The following BAZ1A variants were observed in gnomAD, a reference collection of about 807,000 sequenced individuals.
BAZ1A encodes the protein bromodomain adjacent to zinc finger domain 1A, also known as bromodomain adjacent to zinc finger domain protein 1A.
In BAZ1A, 50 loss-of-function variants were observed where a neutral mutation model predicts 185.2. That is an observed-to-expected ratio of 0.27 (90% CI 0.22 to 0.34). BAZ1A has a LOEUF of 0.34. Among genes scored for constraint, BAZ1A ranks in the 10% least tolerant of loss-of-function variants. The pLI, the probability that BAZ1A is intolerant of heterozygous loss-of-function variation, is 1.00. For missense variants in BAZ1A, 1,356 were observed against 1,839.9 expected (o/e 0.74, Z 4.81); for synonymous variants, 571 against 615.6 (o/e 0.93, Z 1.07).
chr14:34,851,679 C>A (rs115229410), intron 3 of BAZ1A, among the ~76,000 whole-genome samples: 5 of 151,844 alleles, frequency 3.3e-5, no homozygotes, highest in African/African-American at 1.2e-4. Flanking sequence ...GAGAACAAGG[C>A]ACAGTGGCCC....
chr14:34,796,878 G>A (rs1460913765), intron 9 of BAZ1A, among the ~76,000 whole-genome samples: 1 of 152,122 alleles, frequency 6.6e-6, no homozygotes, highest in Non-Finnish European at 1.5e-5. Context: ...ATTCTTATAG[G>A]ATCAAATAAG....
At chr14:34,804,205 A>G (rs1015041200) in intron 6 of BAZ1A, among the ~76,000 whole-genome samples, 3 of 152,160 alleles carry the variant, frequency 2.0e-5, no homozygotes, top group African/African-American at 7.2e-5. Context: ...ACAGGGTCTC[A>G]CCATGTTGGC....
intron 2 of BAZ1A, among the ~76,000 whole-genome samples, chr14:34,862,984 C>G (rs1337057988): frequency 3.3e-5 from 4 of 122,026 alleles, no homozygotes; most frequent in African/African-American, 1.1e-4. Context: ...TCTATCCACT[C>G]TCTCTTTTTT....
At chr14:34,827,598 G>A (rs958896034) in intron 3 of BAZ1A, among the ~76,000 whole-genome samples, 3 of 152,168 alleles carry the variant, frequency 2.0e-5, no homozygotes, top group Admixed American at 1.3e-4. Context: ...AGCCAGGCGT[G>A]GTGGCGGGTG....
rs570585762 is a variant in BAZ1A, at chr14:34,811,074, A to G, written c.537-38T>C. 17 of 1,358,610 alleles carry G rather than the reference A, an allele frequency of 1.3e-5. No individual in the cohort carries two copies. The East Asian group carries it at 3.5e-4, about 28-fold the overall frequency. The allele number at this position is 1,358,610 out of a possible 1,614,324, so 84.2% of individuals were successfully genotyped here. A position where few individuals can be genotyped will look rare whatever the true frequency, so the allele number is the denominator to read the frequency against. ...GGGAAAAGACACAAATCAGTTAATA[A>G]TTTGGAAAATGAAATTTTAAATGAA... On this transcript the variant is annotated intron_variant, in intron 4 of 26. Coordinates refer to ENST00000360310, the MANE Select transcript of BAZ1A (RefSeq NM_013448.3).
intron 23 of BAZ1A, among the ~76,000 whole-genome samples, chr14:34,764,213 A>G (rs1485764963): frequency 2.0e-5 from 3 of 151,954 alleles, no homozygotes; most frequent in Non-Finnish European, 4.4e-5. Flanking sequence ...TCCCTTGGGA[A>G]TATTTTTGAA....
chr14:34,871,219 T>C (rs2042943809), intron 2 of BAZ1A, among the ~76,000 whole-genome samples: 1 of 152,204 alleles, frequency 6.6e-6, no homozygotes, highest in Non-Finnish European at 1.5e-5. Flanking sequence ...TAGCCAAAAT[T>C]AAAGAATATT....
intron 3 of BAZ1A, among the ~76,000 whole-genome samples, chr14:34,840,075 T>C (rs1269428788): frequency 6.6e-6 from 1 of 152,300 alleles, no homozygotes; most frequent in East Asian, 1.9e-4. Context: ...TACAAGTTTT[T>C]ATTTGATTTA....
intron 21 of BAZ1A, chr14:34,768,896 A>G (rs1879032373): frequency 4.2e-6 from 1 of 237,754 alleles, no homozygotes; most frequent in South Asian, 5.0e-5. Context: ...ATCCTCATGT[A>G]TCTTACCTAA....
chr14:34,826,364 A>G (rs2042165430), intron 3 of BAZ1A, among the ~76,000 whole-genome samples: 1 of 152,208 alleles, frequency 6.6e-6, no homozygotes, highest in African/African-American at 2.4e-5. Flanking sequence ...TTAAAACTCA[A>G]TTTATCAAGA....
intron 3 of BAZ1A, among the ~76,000 whole-genome samples, chr14:34,861,250 T>C (rs2042764803): frequency 6.6e-6 from 1 of 152,196 alleles, no homozygotes; most frequent in Non-Finnish European, 1.5e-5. Context: ...AAGTTTATTA[T>C]TATAAATGTC....
At chr14:34,764,289 C>CTTTTTTTTTTTTTTTTTTTTTT (rs34861206) in intron 23 of BAZ1A, among the ~76,000 whole-genome samples, 3 of 111,852 alleles carry the variant, frequency 2.7e-5, no homozygotes, top group Non-Finnish European at 1.8e-5. Context: ...TTTTTCTTTT[C>CTTTTTTTTTTTTTTTTTTTTTT]TTTTTTTTTT....
At chr14:34,792,730 T>C (rs773306942) in intron 12 of BAZ1A, 45 bp downstream of exon 12, 112 of 1,589,974 alleles carry the variant, frequency 7.0e-5, no homozygotes, top group Middle Eastern at 3.3e-4. Flanking sequence ...TTAGTTTCGC[T>C]ACAAAACTAC....
chr14:34,794,053 AC>A (rs1881040087), intron 11 of BAZ1A, among the ~76,000 whole-genome samples: 1 of 151,978 alleles, frequency 6.6e-6, no homozygotes, highest in South Asian at 2.1e-4. Context: ...AATCGCTTGA[AC>A]CCTGGAGGTG....
intron 2 of BAZ1A, among the ~76,000 whole-genome samples, chr14:34,866,413 G>A (rs538684285): frequency 7.0e-4 from 105 of 149,064 alleles, no homozygotes; most frequent in African/African-American, 2.2e-3. Flanking sequence ...ACTTCAGCCC[G>A]TGAGGCCGAG....
At position 34,839,705 on chromosome 14, in the gene BAZ1A, T is replaced by C. The variant is rs2042383617; in HGVS notation, c.393-13549A>G. ...AAAAATACAAAAAATTAGCTGGGCG[T>C]GGTGGCGGGTGCCTGTAGTCCCAGC... On this transcript the variant is annotated intron_variant, in intron 3 of 26. Transcript: ENST00000360310. Among the ~76,000 whole-genome samples the C allele has an allele frequency of 2.0e-5, 3 of 151,226 alleles. No individual in the cohort carries two copies. In the South Asian group the frequency reaches 6.3e-4, roughly 32 times the overall value.
chr14:34,815,242 A>T (rs2041989240), intron 4 of BAZ1A, among the ~76,000 whole-genome samples: 1 of 152,200 alleles, frequency 6.6e-6, no homozygotes, highest in Admixed American at 6.5e-5. Context: ...TATCTATAAT[A>T]CTTATGCAAA....
In BAZ1A at chr14:34,826,704, T is replaced by C. The variant is rs372297552; in HGVS notation, c.393-548A>G. ...AATGATTGCTAAGTTCATGTTGTTG[T>C]AGTCAGAGAATATACTTTGTATGAG... On this transcript the variant is annotated intron_variant, in intron 3 of 26. Transcript: ENST00000360310. 3.3e-5 allele frequency among the ~76,000 whole-genome samples: 5 copies of C among 152,232 alleles called. No individual in the cohort carries two copies. The East Asian group carries it at 7.7e-4, about 23-fold the overall frequency.
At chr14:34,828,021 G>T in intron 3 of BAZ1A, among the ~76,000 whole-genome samples, 1 of 152,004 alleles carries the variant, frequency 6.6e-6, no homozygotes, top group Admixed American at 6.6e-5. Context: ...TCGGCCGGGT[G>T]TGGTGGCTCA....
Sources: gnomAD v4.1 joint callset for allele counts (sites outside exome capture counted in the v4.1 genomes callset) on GRCh38, gnomAD v4.1.1 for gene constraint, MANE v1.5 for transcripts, NCBI Gene and HGNC (gene_info 2026-07-23, HGNC 2026-07-21) for gene names.